Variants in DCN observed in about 807,000 individuals in gnomAD.
The protein encoded by DCN is bone proteoglycan II.
A neutral mutation model predicts 36.5 loss-of-function variants in DCN; 17 were observed. That is an observed-to-expected ratio of 0.47 (90% CI 0.32 to 0.70). The LOEUF (loss-of-function observed/expected upper bound fraction) is 0.70, where lower values mean the gene tolerates loss of function less well. DCN is among the 30% of genes least tolerant of loss of function. The probability of loss-of-function intolerance (pLI) is 0.04; values close to 1 mark genes in which losing one functional copy is unlikely to be tolerated. For synonymous variants in DCN, 163 were observed against 161.4 expected, an observed-to-expected ratio of 1.01 and a Z score of -0.07; for missense variants, 389 against 430.1, an observed-to-expected ratio of 0.90 and a Z score of 0.84.
intron 7 of DCN, among the ~76,000 whole-genome samples, chr12:91,149,670 A>T (rs1881280036): frequency 6.6e-6 from 1 of 152,214 alleles, no homozygotes; most frequent in Non-Finnish European, 1.5e-5. Flanking sequence ...GTCTATTTTT[A>T]AATAATATAT....
chr12:91,146,143 T>C lies in DCN; in HGVS notation c.995A>G (p.Asn332Ser). Residue 332 changes from asparagine to serine, a missense_variant, in exon 8 of 8, where the codon AAC (asparagine) becomes AGC (serine). Physicochemically the swap from Asn to Ser is conservative, Grantham distance 46. Transcript: ENST00000052754. ...ASYSGVSLFS[N>S]PVQYWEIQPS... The stretch of plus-strand genomic sequence containing the variant: ...CTGTATCTCCCAGTACTGGACCGGG[T>C]TGCTGAAAAGACTCACACCCGAATA... 6.2e-7 allele frequency: 1 copy of C among 1,613,742 alleles called. No homozygotes were observed. Among genetic ancestry groups the C allele is most frequent in the Non-Finnish European group, 8.5e-7 (1 of 1,179,858 alleles).
In DCN at chr12:91,144,578, G is replaced by T. The variant is rs1880904285; in HGVS notation, c.*1480C>A. ...TTTCCCTAATGTTAATATTACCTCG[G>T]GATATGTCAAATGTAAATGAAAATT... On this transcript the variant is annotated 3_prime_UTR_variant, in exon 8 of 8. Coordinates refer to ENST00000052754, the MANE Select transcript of DCN (RefSeq NM_001920.5). The T allele has an allele frequency of 6.6e-6, 1 of 152,122 alleles. No homozygotes were observed. The highest frequency in any genetic ancestry group is 6.5e-5 in the Admixed American group (1 of 15,274). 9.4% of individuals were successfully genotyped at this position (152,122 alleles called of 1,614,324 possible).
At chr12:91,166,633 G>A (rs367745309) in intron 2 of DCN, among the ~76,000 whole-genome samples, 5 of 152,082 alleles carry the variant, frequency 3.3e-5, no homozygotes, top group South Asian at 4.1e-4. Context: ...TTGTCAATGC[G>A]AAACTGCAGA....
At chr12:91,149,858 G>A (rs1881291326) in intron 7 of DCN, among the ~76,000 whole-genome samples, 1 of 152,048 alleles carries the variant, frequency 6.6e-6, no homozygotes, top group Non-Finnish European at 1.5e-5. Flanking sequence ...AACAATGAAT[G>A]TAGTAAAAGA....
At position 91,141,927 on chromosome 12, in the gene DCN, C is replaced by T. The variant is rs773057967; in HGVS notation, c.*4131G>A. On this transcript the variant is annotated 3_prime_UTR_variant, in exon 8 of 8. Coordinates refer to ENST00000052754, the MANE Select transcript of DCN (RefSeq NM_001920.5). ...TGTGCATATGCCCTTTCTTTTGGCTCAAAATTGTTCAACTTCTTTGAAGGT... is the reference window on the plus strand; with the variant it reads ...TGTGCATATGCCCTTTCTTTTGGCTTAAAATTGTTCAACTTCTTTGAAGGT... 3.9e-5 allele frequency: 6 copies of T among 152,066 alleles called. No homozygotes were observed. The highest frequency in any genetic ancestry group is 9.7e-5 in the African/African-American group (4 of 41,418). The allele number at this position is 152,066 out of a possible 1,614,324, so 9.4% of individuals were successfully genotyped here.
At position 91,145,699 on chromosome 12, in the gene DCN, T is replaced by G. The variant is rs1223015152; in HGVS notation, c.*359A>C. On this transcript the variant is annotated 3_prime_UTR_variant, in exon 8 of 8. Transcript: ENST00000052754. ...TATCTCAAATGAGCTAACTGCTCAA[T>G]GAATTACAGAAGACTCATACTCTTT... is the stretch of plus-strand genomic sequence containing the variant. 3 of 386,094 alleles carry G rather than the reference T, an allele frequency of 7.8e-6. No individual in the cohort carries two copies. The highest frequency in any genetic ancestry group is 1.4e-4 in the East Asian group (2 of 13,912). The allele number at this position is 386,094 out of a possible 1,614,324, so 23.9% of individuals were successfully genotyped here. A position where few individuals can be genotyped will look rare whatever the true frequency, so the allele number is the denominator to read the frequency against.
In DCN at chr12:91,146,351, C is replaced by CTTTTTTTTTT. The variant is rs376886852; in HGVS notation, c.886-109_886-100dup. 18 of 318,296 alleles carry CTTTTTTTTTT rather than the reference C, an allele frequency of 5.7e-5. 1 individual carries two copies. The African/African-American group carries it at 5.8e-4, about 10-fold the overall frequency. The allele number at this position is 318,296 out of a possible 1,614,324, so 19.7% of individuals were successfully genotyped here. A position where few individuals can be genotyped will look rare whatever the true frequency, so the allele number is the denominator to read the frequency against. On this transcript the variant is annotated intron_variant, in intron 7 of 7. Transcript: ENST00000052754. ...TTTTTTATTATTTTTTAATCCTTCA[C>CTTTTTTTTTT]TTTTTTTTTTTTTTTTTTTTTTTGA...
chr12:91,162,198 C>T (rs1428661500), intron 3 of DCN, among the ~76,000 whole-genome samples: 4 of 152,138 alleles, frequency 2.6e-5, no homozygotes, highest in African/African-American at 9.7e-5. Context: ...CTTGACCTCC[C>T]AAAGTCCTGG....
chr12:91,151,441 T>C (rs539859561), intron 7 of DCN: 2 of 562,508 alleles, frequency 3.6e-6, no homozygotes, highest in East Asian at 3.3e-5. Flanking sequence ...TTCATCTCCA[T>C]ACTTCTAAAT....
intron 7 of DCN, among the ~76,000 whole-genome samples, chr12:91,149,920 G>C (rs1471149375): frequency 6.6e-6 from 1 of 152,072 alleles, no homozygotes; most frequent in Non-Finnish European, 1.5e-5. Flanking sequence ...AAAAAGAAAA[G>C]AAGATATAAA....
chr12:91,167,668 T>A (rs1179593239), intron 2 of DCN, among the ~76,000 whole-genome samples: 2 of 152,296 alleles, frequency 1.3e-5, no homozygotes, highest in Non-Finnish European at 2.9e-5. Flanking sequence ...ATTTTACTTA[T>A]CCCAGAAATC....
intron 2 of DCN, among the ~76,000 whole-genome samples, chr12:91,169,401 A>AAAAAG (rs1882797975): frequency 4.1e-5 from 6 of 145,856 alleles, no homozygotes; most frequent in African/African-American, 1.5e-4. Flanking sequence ...AAAAAAAAAA[A>AAAAAG]CCAAAAAACA....
At chr12:91,169,271 C>T (rs1340736385) in intron 2 of DCN, among the ~76,000 whole-genome samples, 1 of 148,770 alleles carries the variant, frequency 6.7e-6, no homozygotes, top group East Asian at 2.1e-4. Flanking sequence ...AGCCTGTAGT[C>T]CCATCTACTC....
intron 6 of DCN, 46 bp from the exon 7 acceptor site, chr12:91,151,838 C>A: frequency 6.2e-7 from 1 of 1,611,042 alleles, no homozygotes; most frequent in Non-Finnish European, 8.5e-7. Flanking sequence ...ACATGGATGC[C>A]TTTCTTACAA....
intron 6 of DCN, among the ~76,000 whole-genome samples, chr12:91,152,015 C>T (rs954428595): frequency 2.2e-4 from 34 of 152,236 alleles, no homozygotes; most frequent in African/African-American, 7.9e-4. Flanking sequence ...TCTGACAGAA[C>T]GTGATTGGAC....
intron 5 of DCN, among the ~76,000 whole-genome samples, chr12:91,155,819 T>C (rs1881733289): frequency 6.6e-6 from 1 of 152,166 alleles, no homozygotes; most frequent in Non-Finnish European, 1.5e-5. Flanking sequence ...TGCCAGTAGT[T>C]GCTACTAAGG....
chr12:91,181,149 T>A (rs537173776), intron 1 of DCN, among the ~76,000 whole-genome samples: 59 of 151,404 alleles, frequency 3.9e-4, no homozygotes, highest in African/African-American at 6.5e-4. Context: ...TGTGTGTGTG[T>A]GAGAGAGAGA....
intron 2 of DCN, among the ~76,000 whole-genome samples, chr12:91,169,287 G>A (rs1272521384): frequency 2.8e-5 from 4 of 143,636 alleles, no homozygotes; most frequent in Non-Finnish European, 6.0e-5. Flanking sequence ...TACTCGGGAA[G>A]GAGGATCCCC....
At chr12:91,162,194 C>T (rs1440258615) in intron 3 of DCN, among the ~76,000 whole-genome samples, 1 of 152,130 alleles carries the variant, frequency 6.6e-6, no homozygotes, top group African/African-American at 2.4e-5. Context: ...CCGCCTTGAC[C>T]TCCCAAAGTC....
Sources: gnomAD v4.1 joint callset for allele counts (sites outside exome capture counted in the v4.1 genomes callset) on GRCh38, gnomAD v4.1.1 for gene constraint, MANE v1.5 for transcripts, NCBI Gene and HGNC (gene_info 2026-07-23, HGNC 2026-07-21) for gene names.